Variants in PIEZO2 observed in about 807,000 individuals in gnomAD.
The protein encoded by PIEZO2 is piezo-type mechanosensitive ion channel component 2.
Under a neutral mutation model 337.3 loss-of-function variants are expected in PIEZO2, and 172 were observed. The ratio of observed to expected loss-of-function variants is 0.51; its 90% confidence interval spans 0.45 to 0.58. The LOEUF (loss-of-function observed/expected upper bound fraction) is 0.58. PIEZO2 is among the 20% of genes least tolerant of loss of function. The probability of loss-of-function intolerance (pLI) is 0.00; values close to 1 mark genes in which losing one functional copy is unlikely to be tolerated. For missense variants in PIEZO2, 3,028 were observed against 3,391.3 expected, an observed-to-expected ratio of 0.89 and a Z score of 2.66; for synonymous variants, 1,251 against 1,228.5, an observed-to-expected ratio of 1.02 and a Z score of -0.38.
At chr18:11,039,889 C>A (rs192783483) in intron 2 of PIEZO2, among the ~76,000 whole-genome samples, 148 of 152,148 alleles carry the variant, frequency 9.7e-4, no homozygotes, top group African/African-American at 3.5e-3. Flanking sequence ...TGCATTCTTA[C>A]GAAAAGGAAA....
intron 30 of PIEZO2, among the ~76,000 whole-genome samples, chr18:10,747,297 A>G: frequency 6.6e-6 from 1 of 152,178 alleles, no homozygotes; most frequent in East Asian, 1.9e-4. Context: ...GGAAAAAGGG[A>G]AATTAGGAGA....
In PIEZO2 at chr18:11,021,613, C is replaced by G. The variant is rs1179557887; in HGVS notation, c.161-41953G>C. 6.6e-6 allele frequency among the ~76,000 whole-genome samples: 1 copy of G among 152,180 alleles called. No homozygotes were observed. Among genetic ancestry groups the G allele is most frequent in the East Asian group, 1.9e-4 (1 of 5,182 alleles). ...TGAATGAAAACCACCAAGTGGGGTT[C>G]CTGGGGGACTTTGAGTCTCACGGAT... On this transcript the variant is annotated intron_variant, in intron 2 of 55. Coordinates refer to ENST00000674853, the MANE Select transcript of PIEZO2 (RefSeq NM_001378183.1). The surrounding 1 kb of genome is among the most constrained non-coding windows in gnomAD (Gnocchi z 4.7).
chr18:11,023,159 ACACTGTG>A, intron 2 of PIEZO2, among the ~76,000 whole-genome samples: 1 of 152,228 alleles, frequency 6.6e-6, no homozygotes, highest in Middle Eastern at 3.4e-3. Flanking sequence ...CAAAGCTTCC[ACACTGTG>A]GAAGGGGACC....
At chr18:10,736,839 G>T in intron 33 of PIEZO2, 129 bp from the exon 34 acceptor site, 1 of 1,051,366 alleles carries the variant, frequency 9.5e-7, no homozygotes, top group Non-Finnish European at 1.3e-6. Context: ...TGTTGGCAGA[G>T]AGGAAAACAC....
chr18:10,843,641 A>G (rs918873683), intron 7 of PIEZO2, among the ~76,000 whole-genome samples: 1 of 152,188 alleles, frequency 6.6e-6, no homozygotes, highest in African/African-American at 2.4e-5. Flanking sequence ...TAGAAAGGGT[A>G]ATTTTTTCAC....
chr18:10,816,162 A>C (rs767571244), intron 7 of PIEZO2, among the ~76,000 whole-genome samples: 9 of 152,172 alleles, frequency 5.9e-5, no homozygotes, highest in Non-Finnish European at 1.2e-4. Context: ...AACCTCTGCC[A>C]GTCTGAAGCC....
intron 33 of PIEZO2, chr18:10,738,023 G>T (rs1408032939): frequency 6.6e-6 from 1 of 152,162 alleles, no homozygotes; most frequent in African/African-American, 2.4e-5. Context: ...GGTGAATTGG[G>T]CCTTATATCC....
intron 2 of PIEZO2, among the ~76,000 whole-genome samples, chr18:11,008,063 A>T (rs1415241927): frequency 1.3e-5 from 2 of 152,228 alleles, no homozygotes; most frequent in African/African-American, 4.8e-5. Context: ...TGTATTTGAC[A>T]AAAGTGCAAT....
rs927720256 is a variant in PIEZO2 at position 10,846,371 on chromosome 18, C to T, written c.917+8982G>A. ...AAGACCTGCCCCCATAATTCAATCA[C>T]CTCCCACCGGGGATGAGATTTGGGT... is the stretch of plus-strand genomic sequence containing the variant. On this transcript the variant is annotated intron_variant, in intron 7 of 55. Transcript: ENST00000674853. The surrounding 1 kb of genome is among the most constrained non-coding windows in gnomAD (Gnocchi z 4.1). Among the ~76,000 whole-genome samples the T allele has an allele frequency of 6.6e-6, 1 of 152,166 alleles. No individual in the cohort carries two copies. The highest frequency in any genetic ancestry group is 6.5e-5 in the Admixed American group (1 of 15,274).
At position 10,846,614 on chromosome 18, in the gene PIEZO2, T is replaced by G. The variant is rs1163922838; in HGVS notation, c.917+8739A>C. Among the ~76,000 whole-genome samples the G allele has an allele frequency of 2.0e-5, 3 of 152,110 alleles. No individual in the cohort carries two copies. In the South Asian group the frequency reaches 6.2e-4, roughly 32 times the overall value. ...ATGGCTCTGAAGAACTGGGTCCTAG[T>G]GAGTCAGACATATGCATGAAGGGAT... On this transcript the variant is annotated intron_variant, in intron 7 of 55. Transcript: ENST00000674853. This position sits in a 1 kb window ranked among gnomAD's most constrained non-coding sequence, Gnocchi z 4.1.
chr18:10,752,584 GTT>G, intron 28 of PIEZO2, 50 bp downstream of exon 28: 1 of 1,519,088 alleles, frequency 6.6e-7, no homozygotes, highest in African/African-American at 1.4e-5. Context: ...TGAGTGGACT[GTT>G]TACTCTTACA....
At position 10,993,596 on chromosome 18, in the gene PIEZO2, G is replaced by A. The variant is rs976372613; in HGVS notation, c.161-13936C>T. On this transcript the variant is annotated intron_variant, in intron 2 of 55. Transcript: ENST00000674853. The surrounding 1 kb of genome is among the most constrained non-coding windows in gnomAD (Gnocchi z 5.0). ...GGCTGGAGTACAGTGGCACGATCTCGCCTCACTGCAACCTCCGCCTCCCGG... is the reference window on the plus strand; with the variant it reads ...GGCTGGAGTACAGTGGCACGATCTCACCTCACTGCAACCTCCGCCTCCCGG... 2.6e-5 allele frequency among the ~76,000 whole-genome samples: 4 copies of A among 152,016 alleles called. No individual in the cohort carries two copies. The highest frequency in any genetic ancestry group is 4.8e-5 in the African/African-American group (2 of 41,396).
Position 10,834,025 on chromosome 18 carries a change from T to C in PIEZO2, c.917+21328A>G, listed in dbSNP as rs1021496920. Among the ~76,000 whole-genome samples the C allele has an allele frequency of 6.6e-6, 1 of 152,252 alleles. No individual in the cohort carries two copies. The highest frequency in any genetic ancestry group is 1.5e-5 in the Non-Finnish European group (1 of 68,046). ...AACATTTTAAGCTAATTTCTGTTTTTATTTTTTATGGGTAAGTGTATATGG... is the reference window on the plus strand; with the variant it reads ...AACATTTTAAGCTAATTTCTGTTTTCATTTTTTATGGGTAAGTGTATATGG... On this transcript the variant is annotated intron_variant, in intron 7 of 55. Coordinates refer to ENST00000674853, the MANE Select transcript of PIEZO2 (RefSeq NM_001378183.1). The surrounding 1 kb of genome is among the most constrained non-coding windows in gnomAD (Gnocchi z 4.5).
intron 5 of PIEZO2, among the ~76,000 whole-genome samples, chr18:10,869,941 T>C (rs1478447142): frequency 2.0e-4 from 31 of 151,982 alleles, no homozygotes; most frequent in African/African-American, 7.2e-4. Context: ...AGTGGTGTGA[T>C]CTCGGCTCAC....
intron 3 of PIEZO2, among the ~76,000 whole-genome samples, chr18:10,972,155 A>T (rs1459650579): frequency 1.4e-5 from 2 of 144,696 alleles, no homozygotes; most frequent in Non-Finnish European, 3.0e-5. Flanking sequence ...CCTGGGTGAC[A>T]GAGCGAGACT....
rs111228601 is a variant in PIEZO2 at position 11,006,469 on chromosome 18, G to A, written c.161-26809C>T. 2.4e-3 allele frequency among the ~76,000 whole-genome samples: 361 copies of A among 152,292 alleles called. 3 individuals are homozygous for A. The highest frequency in any genetic ancestry group is 7.8e-3 in the African/African-American group (326 of 41,554). On this transcript the variant is annotated intron_variant, in intron 2 of 55. Transcript: ENST00000674853. Reference sequence around the variant, plus strand: ...TCTTTAGCTTTCATGGGGGCAAAAGGCTGAAGGAAGCAGAACATTAGTATA... The same window carrying A: ...TCTTTAGCTTTCATGGGGGCAAAAGACTGAAGGAAGCAGAACATTAGTATA...
chr18:10,760,461 C>T (rs771165556), intron 24 of PIEZO2, among the ~76,000 whole-genome samples: 1 of 152,138 alleles, frequency 6.6e-6, no homozygotes, highest in Non-Finnish European at 1.5e-5. Context: ...TGCACCACCA[C>T]GCCTGGATAA....
intron 2 of PIEZO2, among the ~76,000 whole-genome samples, chr18:10,994,403 T>TC (rs1260683279): frequency 5.4e-5 from 8 of 147,236 alleles, no homozygotes; most frequent in African/African-American, 1.5e-4. Context: ...GTTCTTTCTT[T>TC]TTTTTTTTTT....
chr18:10,816,432 T>C (rs945998770), intron 7 of PIEZO2, among the ~76,000 whole-genome samples: 19 of 152,184 alleles, frequency 1.2e-4, no homozygotes, highest in Non-Finnish European at 1.8e-4. Flanking sequence ...TAGTAGTAGC[T>C]TTACTAATAA....
Sources: gnomAD v4.1 joint callset for allele counts (sites outside exome capture counted in the v4.1 genomes callset) on GRCh38, gnomAD v4.1.1 for gene constraint, Gnocchi (gnomAD v3.1) non-coding constraint, MANE v1.5 for transcripts, NCBI Gene and HGNC (gene_info 2026-07-23, HGNC 2026-07-21) for gene names.